ST8SIA1: variants seen among roughly 807,000 people sequenced by gnomAD.
ST8SIA1 encodes the protein alpha-N-acetylneuraminide alpha-2,8-sialyltransferase.
Under a neutral mutation model 35.9 loss-of-function variants are expected in ST8SIA1, and 16 were observed. The ratio of observed to expected loss-of-function variants is 0.45; its 90% CI spans 0.30 to 0.68. ST8SIA1 has a LOEUF of 0.68. Ranked by LOEUF, ST8SIA1 falls within the 30% of genes least tolerant of loss-of-function variation. The pLI, the probability that ST8SIA1 is intolerant of heterozygous loss-of-function variation, is 0.09. For synonymous variants in ST8SIA1, 170 were observed against 169.6 expected (o/e 1.00, Z -0.02); for missense variants, 383 against 453.6 (o/e 0.84, Z 1.41).
Position 22,201,656 on chromosome 12 carries a change from C to A in ST8SIA1, c.967G>T (p.Ala323Ser). The A allele has an allele frequency of 6.8e-6, 11 of 1,614,086 alleles. No homozygotes were observed. The highest frequency in any genetic ancestry group is 9.3e-6 in the Non-Finnish European group (11 of 1,179,990). ...AGTTGGAGAAATTCCTCGGGCATGG[C>A]ATGGAAGCCAGAAAAGGGTAAGACG... ...DNVLPFSGFH[A>S]MPEEFLQLWY... The change falls in exon 5 of 5, where the codon GCC becomes TCC. Residue 323 changes from alanine (A) to serine (S), a missense_variant. By Grantham distance (99) the Ala-to-Ser change is moderately conservative. Coordinates refer to ENST00000396037, the MANE Select transcript of ST8SIA1 (RefSeq NM_003034.4).
chr12:22,201,674 G>C lies in ST8SIA1; in HGVS notation c.949C>G (p.Pro317Ala). Residue 317 changes from proline to alanine, a missense_variant, in exon 5 of 5, where the codon CCC (proline) becomes GCC (alanine). Transcript: ENST00000396037. ...ISHHYYDNVL[P>A]FSGFHAMPEE... ...GGCATGGCATGGAAGCCAGAAAAGG[G>C]TAAGACGTTGTCATAGTAGTGGTGG... 1 of 1,614,120 alleles carries C rather than the reference G, an allele frequency of 6.2e-7. No homozygotes were observed. The highest frequency in any genetic ancestry group is 1.1e-5 in the South Asian group (1 of 91,088).
At position 22,193,414 on chromosome 12, in the gene ST8SIA1, G is replaced by C. The variant is rs1298969619; in HGVS notation, c.*8138C>G. The C allele has an allele frequency of 1.3e-5, 2 of 152,112 alleles. No individual in the cohort carries two copies. The highest frequency in any genetic ancestry group is 1.5e-5 in the Non-Finnish European group (1 of 68,014). The allele number at this position is 152,112 out of a possible 1,614,324, so 9.4% of individuals were successfully genotyped here. On this transcript the variant is annotated 3_prime_UTR_variant, in exon 5 of 5. Coordinates refer to ENST00000396037, the MANE Select transcript of ST8SIA1 (RefSeq NM_003034.4). The stretch of plus-strand genomic sequence containing the variant: ...GCTATAAAAAATCATTTTATTCACA[G>C]GGTACATTTACAAATTTTCTCCAAG...
At chr12:22,254,049 T>C (rs1409099947) in intron 3 of ST8SIA1, among the ~76,000 whole-genome samples, 1 of 152,170 alleles carries the variant, frequency 6.6e-6, no homozygotes, top group East Asian at 1.9e-4. Flanking sequence ...TAAACAGGAA[T>C]ACAAAATCTC....
chr12:22,252,633 T>C (rs1434441074), intron 3 of ST8SIA1, among the ~76,000 whole-genome samples: 1 of 152,242 alleles, frequency 6.6e-6, no homozygotes, highest in Non-Finnish European at 1.5e-5. Context: ...AGAAACATTA[T>C]GCTTAATACT....
At chr12:22,265,201 G>A (rs547824753) in intron 2 of ST8SIA1, among the ~76,000 whole-genome samples, 5 of 152,308 alleles carry the variant, frequency 3.3e-5, no homozygotes, top group Non-Finnish European at 7.3e-5. Flanking sequence ...CATTTTAAAA[G>A]TCCTCAAAAC....
At position 22,253,483 on chromosome 12, in the gene ST8SIA1, G is replaced by A. The variant is rs73270025; in HGVS notation, c.491+1797C>T. Among the ~76,000 whole-genome samples the A allele has an allele frequency of 7.9e-3, 1,210 of 152,250 alleles. 14 individuals carry two copies. The highest frequency in any genetic ancestry group is 0.027 in the African/African-American group (1,127 of 41,548). ...GACTCTTGGGAAAGGTTGTTTCTCT[G>A]CTTAGGGTGAAACGAAGAGAAGACT... On this transcript the variant is annotated intron_variant, in intron 3 of 4. Transcript: ENST00000396037.
chr12:22,323,553 C>G (rs1426493519), intron 1 of ST8SIA1, among the ~76,000 whole-genome samples: 1 of 152,122 alleles, frequency 6.6e-6, no homozygotes, highest in Admixed American at 6.5e-5. Context: ...GATATAGGCA[C>G]ACATATGTTC....
rs1219869392 is a variant in ST8SIA1 at position 22,201,723 on chromosome 12, C to G, written c.900G>C (p.Val300=). The change falls in exon 5 of 5, where the codon GTG becomes GTC. Residue 300 remains valine (V), a synonymous_variant. Transcript: ENST00000396037. ...VAIYGFWPFS[V]NMHEQPISHH... is the part of the protein sequence containing the mutation. The stretch of plus-strand genomic sequence containing the variant: ...GGCTGATGGGCTGCTCATGCATATT[C>G]ACAGAGAAGGGCCAGAAGCCATAGA... The G allele has an allele frequency of 1.9e-5, 31 of 1,613,936 alleles. No homozygotes were observed. Among genetic ancestry groups the G allele is most frequent in the Non-Finnish European group, 2.5e-5 (29 of 1,179,976 alleles).
At chr12:22,296,812 C>T (rs935328617) in intron 1 of ST8SIA1, among the ~76,000 whole-genome samples, 4 of 152,092 alleles carry the variant, frequency 2.6e-5, no homozygotes. Context: ...CAGAGAGAGG[C>T]AGTAGTTGGG....
intron 4 of ST8SIA1, among the ~76,000 whole-genome samples, chr12:22,242,641 C>T (rs573448350): frequency 6.6e-6 from 1 of 152,284 alleles, no homozygotes; most frequent in South Asian, 2.1e-4. Context: ...CAAAATGGCA[C>T]TATATCCCTT....
intron 1 of ST8SIA1, 147 bp downstream of exon 1, chr12:22,333,850 G>A (rs73089246): frequency 0.026 from 21,871 of 831,000 alleles, 1,282 homozygotes; most frequent in African/African-American, 0.2. Flanking sequence ...GGTTGGGAAT[G>A]GCACAAATGG....
At chr12:22,234,545 A>G (rs995153999) in intron 4 of ST8SIA1, among the ~76,000 whole-genome samples, 1 of 152,206 alleles carries the variant, frequency 6.6e-6, no homozygotes, top group African/African-American at 2.4e-5. Flanking sequence ...AAAATATAAA[A>G]TTGCTTCCAT....
rs1473915239 is a variant in ST8SIA1, at chr12:22,275,725, A to T, written c.381+11424T>A. On this transcript the variant is annotated intron_variant, in intron 2 of 4. Transcript: ENST00000396037. ...GGAAGGATGAACCTGCTCAAGATTG[A>T]TCCCCTGTCAACAGGAAAAAGATGT... Among the ~76,000 whole-genome samples, 9 of 152,326 alleles carry T rather than the reference A, an allele frequency of 5.9e-5. No individual in the cohort carries two copies. In the South Asian group the frequency reaches 6.2e-4, roughly 11 times the overall value.
intron 2 of ST8SIA1, among the ~76,000 whole-genome samples, chr12:22,265,800 A>C (rs942180372): frequency 6.6e-6 from 1 of 152,050 alleles, no homozygotes; most frequent in Non-Finnish European, 1.5e-5. Flanking sequence ...TAATGCTGTA[A>C]ATTGGCCTCT....
chr12:22,318,447 G>C (rs896079389), intron 1 of ST8SIA1, among the ~76,000 whole-genome samples: 2 of 152,220 alleles, frequency 1.3e-5, no homozygotes, highest in South Asian at 4.1e-4. Context: ...AATTAAGCAA[G>C]TGGGCTGTGA....
intron 4 of ST8SIA1, among the ~76,000 whole-genome samples, chr12:22,226,431 G>A (rs1865358388): frequency 6.6e-6 from 1 of 151,962 alleles, no homozygotes; most frequent in Non-Finnish European, 1.5e-5. Context: ...ATTTTACCTG[G>A]AATGTAACTA....
chr12:22,332,240 C>G (rs994410329), intron 1 of ST8SIA1, among the ~76,000 whole-genome samples: 15 of 152,118 alleles, frequency 9.9e-5, no homozygotes, highest in African/African-American at 3.4e-4. Context: ...GAGACCAGAC[C>G]AGATAACAGC....
intron 2 of ST8SIA1, among the ~76,000 whole-genome samples, chr12:22,264,924 A>G (rs987329973): frequency 3.3e-5 from 5 of 152,240 alleles, no homozygotes; most frequent in African/African-American, 7.2e-5. Flanking sequence ...GAATATTTAT[A>G]TAGTGGATGC....
intron 4 of ST8SIA1, among the ~76,000 whole-genome samples, chr12:22,235,143 T>C (rs756930849): frequency 6.6e-6 from 1 of 152,214 alleles, no homozygotes; most frequent in Non-Finnish European, 1.5e-5. Flanking sequence ...CATATCATGA[T>C]TTATAAATGC....
Sources: allele counts gnomAD v4.1 joint callset (sites outside exome capture counted in the v4.1 genomes callset), GRCh38; gene constraint gnomAD v4.1.1; transcripts MANE v1.5; gene names NCBI Gene and HGNC (gene_info 2026-07-23, HGNC 2026-07-21).